TRIQK: variants seen among roughly 807,000 people sequenced by gnomAD.
The protein encoded by TRIQK is triple QxxK/R motif containing, also known as triple QxxK/R motif-containing protein.
TRIQK carries 10 observed loss-of-function variants against 10.8 expected under a neutral mutation model. That is an observed-to-expected ratio of 0.92 (90% CI 0.57 to 1.57). The LOEUF (loss-of-function observed/expected upper bound fraction) is 1.57, where lower values mean the gene tolerates loss of function less well. TRIQK is among the 40% of genes most tolerant of loss of function. The pLI, the probability that TRIQK is intolerant of heterozygous loss-of-function variation, is 0.00. For missense variants in TRIQK, 107 were observed against 97.7 expected (o/e 1.09, Z -0.40); for synonymous variants, 33 against 33.7 (o/e 0.98, Z 0.07).
At chr8:92,964,256 G>T (rs1343240290) in intron 1 of TRIQK, among the ~76,000 whole-genome samples, 1 of 151,998 alleles carries the variant, frequency 6.6e-6, no homozygotes, top group Admixed American at 6.6e-5. Flanking sequence ...CTCTCTGTAG[G>T]ATGAGGCAAG....
chr8:92,974,820 C>G (rs1221500640), intron 1 of TRIQK: 1 of 152,188 alleles, frequency 6.6e-6, no homozygotes, highest in Admixed American at 6.5e-5. Context: ...TGTGGAGGTT[C>G]CATGGAACCC....
At chr8:92,990,726 G>A (rs62520828) in intron 1 of TRIQK, among the ~76,000 whole-genome samples, 15,461 of 152,146 alleles carry the variant, frequency 0.1, 1,864 homozygotes, top group African/African-American at 0.29. Context: ...CCGGCCCCAG[G>A]TAGTATGCTT....
chr8:92,902,469 G>A (rs1183255849), intron 3 of TRIQK, among the ~76,000 whole-genome samples: 1 of 152,076 alleles, frequency 6.6e-6, no homozygotes, highest in African/African-American at 2.4e-5. Context: ...GGAAAGGGGT[G>A]GTATAGGTGA....
intron 3 of TRIQK, among the ~76,000 whole-genome samples, chr8:92,914,807 T>C (rs367585923): frequency 6.6e-5 from 10 of 152,112 alleles, no homozygotes; most frequent in Admixed American, 2.0e-4. Context: ...AAAAATAGTA[T>C]GGAGATTCCT....
intron 4 of TRIQK, 74 bp downstream of exon 4, chr8:92,891,914 AT>A (rs1816785445): frequency 5.8e-6 from 6 of 1,037,818 alleles, no homozygotes; most frequent in Middle Eastern, 2.2e-4. Context: ...AGAATTCAAC[AT>A]TTATGCAATC....
chr8:92,904,827 A>G lies in TRIQK; in HGVS notation c.61+12102T>C, dbSNP rs1164595731. Among the ~76,000 whole-genome samples, 5 of 152,330 alleles carry G rather than the reference A, an allele frequency of 3.3e-5. No homozygotes were observed. In the South Asian group the frequency reaches 1.0e-3, roughly 32 times the overall value. On this transcript the variant is annotated intron_variant, in intron 3 of 4. Coordinates refer to ENST00000521988, the MANE Select transcript of TRIQK (RefSeq NM_001171797.2). The stretch of plus-strand genomic sequence containing the variant: ...TGAGACATCTCATTCAGATATATAC[A>G]TAAAAGAGACAATAATAAACATTCT...
upstream of TRIQK, among the ~76,000 whole-genome samples, chr8:92,969,819 T>C (rs2130736417): frequency 6.6e-6 from 1 of 152,232 alleles, no homozygotes. Context: ...CAGGATACAT[T>C]TGCAGAATAT....
chr8:92,975,406 T>C (rs978049072), intron 1 of TRIQK, among the ~76,000 whole-genome samples: 3 of 152,190 alleles, frequency 2.0e-5, no homozygotes, highest in African/African-American at 7.2e-5. Context: ...ACTTCTTTAG[T>C]GACCATTAGT....
intron 2 of TRIQK, among the ~76,000 whole-genome samples, chr8:92,934,306 A>C (rs1472095673): frequency 6.6e-6 from 1 of 152,004 alleles, no homozygotes; most frequent in Non-Finnish European, 1.5e-5. Context: ...CAGTTTAAAA[A>C]ACATAGAATA....
At chr8:92,892,105 A>C in intron 3 of TRIQK, 31 bp from the exon 4 acceptor site, 1 of 1,317,900 alleles carries the variant, frequency 7.6e-7, no homozygotes, top group Non-Finnish European at 1.0e-6. Context: ...ACAATGAGTT[A>C]TGCTCATATA....
At chr8:92,952,225 CAGAT>C (rs889474474) in intron 2 of TRIQK, among the ~76,000 whole-genome samples, 2 of 151,848 alleles carry the variant, frequency 1.3e-5, no homozygotes, top group African/African-American at 4.8e-5. Flanking sequence ...CATGCAACAA[CAGAT>C]GGAGAATGTA....
At chr8:92,986,685 C>G (rs1156361174) in intron 1 of TRIQK, among the ~76,000 whole-genome samples, 1 of 152,062 alleles carries the variant, frequency 6.6e-6, no homozygotes, top group Non-Finnish European at 1.5e-5. Flanking sequence ...GTTCTACTTT[C>G]TTATTTTATA....
At position 92,884,079 on chromosome 8, in the gene TRIQK, A is replaced by T. The variant is rs2130196163; in HGVS notation, c.*2543T>A. ...AACAAACATATTCTAACACTTAAAA[A>T]ATCATTACAATTTTTTCTGTTTTTG... On this transcript the variant is annotated 3_prime_UTR_variant, in exon 5 of 5. Coordinates refer to ENST00000521988, the MANE Select transcript of TRIQK (RefSeq NM_001171797.2). 6.6e-6 allele frequency: 1 copy of T among 151,872 alleles called. No homozygotes were observed. The allele number at this position is 151,872 out of a possible 1,614,324, so 9.4% of individuals were successfully genotyped here. A position where few individuals can be genotyped will look rare whatever the true frequency, so the allele number is the denominator to read the frequency against.
At chr8:92,969,922 T>C (rs73309478), upstream of TRIQK, among the ~76,000 whole-genome samples, 15,371 of 152,108 alleles carry the variant, frequency 0.1, 1,835 homozygotes, top group African/African-American at 0.28. Context: ...GCATTAGTTA[T>C]TTATCCTGAT....
chr8:92,910,705 T>C (rs1186121265), intron 3 of TRIQK, among the ~76,000 whole-genome samples: 1 of 151,022 alleles, frequency 6.6e-6, no homozygotes, highest in Non-Finnish European at 1.5e-5. Context: ...AAAAGAAGTC[T>C]AAACAGACAC....
rs1816394929 is a variant in TRIQK, at chr8:92,884,960, A to C, written c.*1662T>G. On this transcript the variant is annotated 3_prime_UTR_variant, in exon 5 of 5. Transcript: ENST00000521988. The stretch of plus-strand genomic sequence containing the variant: ...TTCCCTTGCCACCCACTTGACGAAC[A>C]GACATACCACATGGCATTAAATGCT... The C allele has an allele frequency of 2.2e-6, 1 of 456,118 alleles. No homozygotes were observed. Among genetic ancestry groups the C allele is most frequent in the South Asian group, 1.5e-5 (1 of 64,560 alleles). 28.3% of individuals were successfully genotyped at this position (456,118 alleles called of 1,614,324 possible).
chr8:92,952,999 T>C (rs1350577294), intron 2 of TRIQK, among the ~76,000 whole-genome samples: 1 of 152,034 alleles, frequency 6.6e-6, no homozygotes, highest in Non-Finnish European at 1.5e-5. Flanking sequence ...ACATTGAAAT[T>C]TGGGCTTGCT....
At chr8:92,958,202 A>G (rs1198892366) in intron 1 of TRIQK, among the ~76,000 whole-genome samples, 1 of 151,924 alleles carries the variant, frequency 6.6e-6, no homozygotes, top group Non-Finnish European at 1.5e-5. Context: ...TGATTTTCCA[A>G]TCACAAGAAC....
rs1382052077 is a variant in TRIQK, at chr8:92,884,281, C to G, written c.*2341G>C. 6 of 153,088 alleles carry G rather than the reference C, an allele frequency of 3.9e-5. No homozygotes were observed. The highest frequency in any genetic ancestry group is 7.3e-5 in the Non-Finnish European group (5 of 68,812). 9.5% of individuals were successfully genotyped at this position (153,088 alleles called of 1,614,324 possible). ...GTCTTCAAAGATTCAAACCAGACTC[C>G]CAATCTGGGATTTCTCTACAGAGGG... On this transcript the variant is annotated 3_prime_UTR_variant, in exon 5 of 5. Transcript: ENST00000521988.
Sources: allele counts gnomAD v4.1 joint callset (sites outside exome capture counted in the v4.1 genomes callset), GRCh38; gene constraint gnomAD v4.1.1; transcripts MANE v1.5; gene names NCBI Gene and HGNC (gene_info 2026-07-23, HGNC 2026-07-21).